SPAG1: variants seen among roughly 807,000 people sequenced by gnomAD.
The protein encoded by SPAG1 is sperm-associated antigen 1.
A neutral mutation model predicts 100.5 loss-of-function variants in SPAG1; 69 were observed. The observed-to-expected ratio is 0.69, with a 90% CI of 0.57 to 0.84. SPAG1 has a LOEUF of 0.84. Ranked by LOEUF, SPAG1 falls within the 40% of genes least tolerant of loss-of-function variation. The pLI is 0.00. For synonymous variants in SPAG1, 336 were observed against 411.6 expected (o/e 0.82, Z 2.22); for missense variants, 955 against 1,133.1 (o/e 0.84, Z 2.26).
At chr8:100,225,044 C>T in intron 13 of SPAG1, 129 bp from the exon 14 acceptor site, 1 of 595,918 alleles carries the variant, frequency 1.7e-6, no homozygotes. Context: ...AGAAAATGCT[C>T]AGGATTGCAT....
chr8:100,163,573 G>A lies in SPAG1; in HGVS notation c.140+1153G>A, dbSNP rs75858886. On this transcript the variant is annotated intron_variant, in intron 2 of 18. Transcript: ENST00000388798. ...CAGAGTTCTATTGCAGAAGACACTT[G>A]TGGAGCATGAACTGCTTTCCAGGAC... is the stretch of plus-strand genomic sequence containing the variant. 4.3e-3 allele frequency among the ~76,000 whole-genome samples: 648 copies of A among 152,182 alleles called. 4 individuals are homozygous for A. Among genetic ancestry groups the A allele is most frequent in the African/African-American group, 0.015 (605 of 41,544 alleles).
At chr8:100,224,281 G>A (rs1351321886) in intron 13 of SPAG1, among the ~76,000 whole-genome samples, 1 of 152,086 alleles carries the variant, frequency 6.6e-6, no homozygotes, top group East Asian at 1.9e-4. Context: ...TGGGTGCGGT[G>A]GCTCACGCCT....
chr8:100,164,493 C>T lies in SPAG1; in HGVS notation c.141-1321C>T, dbSNP rs201285353. On this transcript the variant is annotated intron_variant, in intron 2 of 18. Transcript: ENST00000388798. ...AGGCTGGAGTGCAGTGGTGCGATCT[C>T]GGTTCACTGCAACCTCTGCCTCCCA... is the stretch of plus-strand genomic sequence containing the variant. Among the ~76,000 whole-genome samples the T allele has an allele frequency of 4.6e-5, 7 of 152,232 alleles. No homozygotes were observed. In the East Asian group the frequency reaches 5.8e-4, roughly 13 times the overall value.
At chr8:100,167,347 C>T (rs1815606881) in intron 3 of SPAG1, among the ~76,000 whole-genome samples, 1 of 152,140 alleles carries the variant, frequency 6.6e-6, no homozygotes, top group Non-Finnish European at 1.5e-5. Flanking sequence ...CCTAAATATA[C>T]CATGCTTTTT....
chr8:100,201,300 T>G (rs1383917991), intron 10 of SPAG1, among the ~76,000 whole-genome samples: 2 of 151,824 alleles, frequency 1.3e-5, no homozygotes, highest in African/African-American at 4.8e-5. Flanking sequence ...TCATTTTTAT[T>G]TTTTGTAGAG....
intron 3 of SPAG1, among the ~76,000 whole-genome samples, chr8:100,167,286 A>G (rs1055344345): frequency 1.3e-5 from 2 of 152,240 alleles, no homozygotes; most frequent in African/African-American, 4.8e-5. Context: ...TCTTTGGGGC[A>G]TACTTTCCAA....
chr8:100,199,242 G>T (rs1006329310), intron 10 of SPAG1, among the ~76,000 whole-genome samples: 1 of 152,174 alleles, frequency 6.6e-6, no homozygotes, highest in African/African-American at 2.4e-5. Flanking sequence ...CTGCAATAAG[G>T]GTTCCAATTT....
Position 100,161,023 on chromosome 8 carries a change from C to G in SPAG1, c.-2-1256C>G, listed in dbSNP as rs113657942. Among the ~76,000 whole-genome samples, 921 of 152,182 alleles carry G rather than the reference C, an allele frequency of 6.1e-3. 15 individuals are homozygous for G. The highest frequency in any genetic ancestry group is 0.022 in the African/African-American group (894 of 41,524). On this transcript the variant is annotated intron_variant, in intron 1 of 18. Coordinates refer to ENST00000388798, the MANE Select transcript of SPAG1 (RefSeq NM_003114.5). ...AGTTGACTTCCTCCATGGAAAAAAA[C>G]CTCTACCTTCTTTTTCTACAGAAGT...
intron 7 of SPAG1, chr8:100,184,995 C>CA: frequency 2.9e-6 from 1 of 340,728 alleles, no homozygotes. Flanking sequence ...GACAGGAATT[C>CA]AACAGAAGGC....
At chr8:100,186,634 T>C (rs888935397) in intron 7 of SPAG1, among the ~76,000 whole-genome samples, 1 of 152,168 alleles carries the variant, frequency 6.6e-6, no homozygotes, top group African/African-American at 2.4e-5. Context: ...TTTTTGATAA[T>C]ATAGGCTGTA....
intron 12 of SPAG1, among the ~76,000 whole-genome samples, chr8:100,219,431 T>C (rs988945137): frequency 6.6e-6 from 1 of 152,216 alleles, no homozygotes; most frequent in African/African-American, 2.4e-5. Context: ...TTGCAGCTTC[T>C]GTTGATTTTG....
chr8:100,200,879 G>T (rs1442954691), intron 10 of SPAG1, among the ~76,000 whole-genome samples: 2 of 151,836 alleles, frequency 1.3e-5, no homozygotes, highest in African/African-American at 4.8e-5. Context: ...TGCAAAAATT[G>T]TCTCCCATTT....
intron 3 of SPAG1, 84 bp downstream of exon 3, chr8:100,166,057 T>A: frequency 7.9e-7 from 1 of 1,268,862 alleles, no homozygotes; most frequent in Non-Finnish European, 1.1e-6. Context: ...CCTAGGCTTC[T>A]TGTTTGTCCG....
chr8:100,196,807 G>T (rs1479489556), intron 10 of SPAG1, among the ~76,000 whole-genome samples: 2 of 151,982 alleles, frequency 1.3e-5, no homozygotes, highest in Non-Finnish European at 2.9e-5. Flanking sequence ...CAGAGATAGG[G>T]TCTTGCTCTG....
chr8:100,180,888 A>AAAAT (rs1816338172), intron 4 of SPAG1, among the ~76,000 whole-genome samples: 1 of 152,224 alleles, frequency 6.6e-6, no homozygotes, highest in Admixed American at 6.5e-5. Context: ...TGCAGATATT[A>AAAAT]ACAAATTGTG....
rs771379952 is a variant in SPAG1 at position 100,191,387 on chromosome 8, C to T, written c.833-3C>T. 1.9e-6 allele frequency: 3 copies of T among 1,599,536 alleles called. No homozygotes were observed. In the African/African-American group the frequency reaches 4.0e-5, roughly 22 times the overall value. ...CATAACTTTTATATTGGTAAATTTT[C>T]AGCTCTTCTGCGTCGTGCTACTACA... On this transcript the variant is annotated splice_polypyrimidine_tract_variant and splice_region_variant and intron_variant, in intron 8 of 18. Coordinates refer to ENST00000388798, the MANE Select transcript of SPAG1 (RefSeq NM_003114.5).
chr8:100,186,652 G>C (rs1464192664), intron 7 of SPAG1, among the ~76,000 whole-genome samples: 1 of 152,160 alleles, frequency 6.6e-6, no homozygotes, highest in Non-Finnish European at 1.5e-5. Context: ...GTATTTGTTT[G>C]CTAAGGTTGC....
intron 10 of SPAG1, among the ~76,000 whole-genome samples, chr8:100,201,103 TTTCCTTCCTTCC>T (rs770714931): frequency 6.6e-6 from 1 of 151,930 alleles, no homozygotes; most frequent in East Asian, 1.9e-4. Flanking sequence ...TTTATTTCTT[TTTCCTTCCTTCC>T]TTCCTTCCTT....
intron 11 of SPAG1, 130 bp downstream of exon 11, chr8:100,213,558 G>A: frequency 1.3e-6 from 1 of 777,950 alleles, no homozygotes; most frequent in Non-Finnish European, 1.8e-6. Context: ...TTCCTCCCAG[G>A]TGACTAAGAG....
Sources: gnomAD v4.1 joint callset for allele counts (sites outside exome capture counted in the v4.1 genomes callset) on GRCh38, gnomAD v4.1.1 for gene constraint, MANE v1.5 for transcripts, NCBI Gene and HGNC (gene_info 2026-07-23, HGNC 2026-07-21) for gene names.